Variants in TNIK observed in about 807,000 individuals in gnomAD.
TNIK encodes TRAF2 and NCK interacting kinase.
TNIK carries 49 observed loss-of-function variants against 191.3 expected under a neutral mutation model. The ratio of observed to expected loss-of-function variants is 0.26; its 90% confidence interval spans 0.20 to 0.32. The LOEUF (loss-of-function observed/expected upper bound fraction) is 0.32. TNIK is among the 10% of genes least tolerant of loss of function. TNIK has a pLI of 1.00. For synonymous variants in TNIK, 594 were observed against 600.9 expected (o/e 0.99, Z 0.17); for missense variants, 1,155 against 1,702.3 (o/e 0.68, Z 5.66).
intron 2 of TNIK, among the ~76,000 whole-genome samples, chr3:171,364,562 G>C (rs1431737745): frequency 6.6e-6 from 1 of 152,184 alleles, no homozygotes; most frequent in Non-Finnish European, 1.5e-5. Flanking sequence ...CCAGACTAGG[G>C]ATAGTGATGG....
chr3:171,301,924 T>G (rs1752925123), intron 2 of TNIK, among the ~76,000 whole-genome samples: 1 of 151,744 alleles, frequency 6.6e-6, no homozygotes. Context: ...CAACTTACTT[T>G]CAAATGGTTC....
intron 1 of TNIK, among the ~76,000 whole-genome samples, chr3:171,399,302 G>C (rs1399539251): frequency 6.6e-6 from 1 of 152,176 alleles, no homozygotes; most frequent in African/African-American, 2.4e-5. Context: ...AAGAGCTCAA[G>C]TAGATGCAAA....
chr3:171,131,255 G>A (rs368308318), intron 15 of TNIK, among the ~76,000 whole-genome samples: 235 of 143,884 alleles, frequency 1.6e-3, no homozygotes, highest in African/African-American at 5.8e-3. Context: ...GGAGAATGGC[G>A]TGAACCCGGG....
intron 12 of TNIK, among the ~76,000 whole-genome samples, chr3:171,147,553 A>G (rs1731802140): frequency 1.3e-5 from 2 of 152,230 alleles, no homozygotes; most frequent in South Asian, 4.1e-4. Context: ...ATGTAAGGAC[A>G]CAAGAGTGAT....
In TNIK at chr3:171,252,063, C is replaced by T. The variant is rs566904190; in HGVS notation, c.124-23842G>A. Among the ~76,000 whole-genome samples the T allele has an allele frequency of 3.8e-5, 5 of 131,600 alleles. No individual in the cohort carries two copies. In the South Asian group the frequency reaches 6.8e-4, roughly 18 times the overall value. 86.3% of individuals were successfully genotyped at this position (131,600 alleles called of 152,430 possible). A position where few individuals can be genotyped will look rare whatever the true frequency, so the allele number is the denominator to read the frequency against. Reference sequence around the variant, plus strand: ...ATTTGCATAGATAAAATCTGGTATGCGTGTGTGTGTGTGTGTGCGTGTGTG... The same window carrying T: ...ATTTGCATAGATAAAATCTGGTATGTGTGTGTGTGTGTGTGTGCGTGTGTG... On this transcript the variant is annotated intron_variant, in intron 2 of 32. Coordinates refer to ENST00000436636, the MANE Select transcript of TNIK (RefSeq NM_015028.4).
chr3:171,241,020 C>CT (rs1048729828), intron 2 of TNIK, among the ~76,000 whole-genome samples: 21 of 146,054 alleles, frequency 1.4e-4, no homozygotes, highest in Non-Finnish European at 2.2e-4. Context: ...CCTTCTGTTT[C>CT]TTTTTTTTTC....
At chr3:171,326,506 A>G (rs1451293036) in intron 2 of TNIK, among the ~76,000 whole-genome samples, 2 of 152,234 alleles carry the variant, frequency 1.3e-5, no homozygotes, top group African/African-American at 4.8e-5. Flanking sequence ...AGATTTTGAT[A>G]AAATGATAAT....
At chr3:171,247,220 A>G (rs1388961019) in intron 2 of TNIK, among the ~76,000 whole-genome samples, 1 of 152,174 alleles carries the variant, frequency 6.6e-6, no homozygotes, top group Non-Finnish European at 1.5e-5. Flanking sequence ...CCACCTTCCT[A>G]CCCGCTACCA....
chr3:171,439,949 C>T lies in TNIK; in HGVS notation c.57+20058G>A, dbSNP rs533560363. ...TTCTACTCTTGTCTCCCAGCTGCTCCGAGGGAAGGGCCATACTCTCCCCAT... is the reference window on the plus strand; with the variant it reads ...TTCTACTCTTGTCTCCCAGCTGCTCTGAGGGAAGGGCCATACTCTCCCCAT... On this transcript the variant is annotated intron_variant, in intron 1 of 32. Transcript: ENST00000436636. Among the ~76,000 whole-genome samples the T allele has an allele frequency of 3.9e-5, 6 of 152,308 alleles. No individual in the cohort carries two copies. In the East Asian group the frequency reaches 5.8e-4, roughly 15 times the overall value.
intron 2 of TNIK, among the ~76,000 whole-genome samples, chr3:171,294,930 A>G (rs1369958404): frequency 1.3e-5 from 2 of 152,024 alleles, no homozygotes; most frequent in African/African-American, 4.8e-5. Flanking sequence ...GTGTTCATTC[A>G]GAGATTAAGG....
chr3:171,291,372 T>C (rs1050061345), intron 2 of TNIK, among the ~76,000 whole-genome samples: 5 of 152,226 alleles, frequency 3.3e-5, no homozygotes, highest in Non-Finnish European at 4.4e-5. Context: ...CCTCTCATAT[T>C]ATTTCCCTAC....
intron 3 of TNIK, among the ~76,000 whole-genome samples, chr3:171,220,258 G>A (rs1017021801): frequency 6.6e-6 from 1 of 152,138 alleles, no homozygotes; most frequent in African/African-American, 2.4e-5. Context: ...GGCGGGCAAG[G>A]GGAGGGAGAG....
chr3:171,374,128 C>CA (rs1046218771), intron 1 of TNIK, among the ~76,000 whole-genome samples: 29 of 152,120 alleles, frequency 1.9e-4, no homozygotes, highest in Admixed American at 7.2e-4. Flanking sequence ...GTGCAAATCA[C>CA]AAAAAATGGG....
chr3:171,124,963 T>G (rs895408544), intron 17 of TNIK, among the ~76,000 whole-genome samples: 1 of 152,236 alleles, frequency 6.6e-6, no homozygotes, highest in East Asian at 1.9e-4. Flanking sequence ...GCATTTCTGC[T>G]TCCACAAAGA....
chr3:171,218,564 T>A (rs1312426610), intron 3 of TNIK, among the ~76,000 whole-genome samples: 1 of 151,352 alleles, frequency 6.6e-6, no homozygotes, highest in African/African-American at 2.4e-5. Flanking sequence ...AACAGTGTAC[T>A]TTATAATGTT....
intron 1 of TNIK, among the ~76,000 whole-genome samples, chr3:171,445,063 C>T (rs143348296): frequency 1.8e-4 from 28 of 152,110 alleles, no homozygotes; most frequent in African/African-American, 6.5e-4. Context: ...CAGACTCCCA[C>T]ATGCTTCTGA....
At chr3:171,330,910 A>G (rs547919018) in intron 2 of TNIK, among the ~76,000 whole-genome samples, 4 of 152,322 alleles carry the variant, frequency 2.6e-5, no homozygotes, top group East Asian at 1.9e-4. Context: ...GAGTGGATGG[A>G]ACAGGTCCGT....
intron 2 of TNIK, among the ~76,000 whole-genome samples, chr3:171,322,892 A>G (rs1274536575): frequency 6.6e-6 from 1 of 151,094 alleles, no homozygotes; most frequent in Non-Finnish European, 1.5e-5. Context: ...AAGTGGTTCA[A>G]ATCAGATCCA....
chr3:171,181,080 A>G (rs933532314), intron 7 of TNIK, among the ~76,000 whole-genome samples: 1 of 152,194 alleles, frequency 6.6e-6, no homozygotes, highest in South Asian at 2.1e-4. Flanking sequence ...GGGCTCAAGC[A>G]ATCCTCCCAC....
Sources: allele counts gnomAD v4.1 joint callset (sites outside exome capture counted in the v4.1 genomes callset), GRCh38; gene constraint gnomAD v4.1.1; transcripts MANE v1.5; gene names NCBI Gene and HGNC (gene_info 2026-07-23, HGNC 2026-07-21).